Variants in PABPN1L observed in about 807,000 individuals in gnomAD.
The protein encoded by PABPN1L is embryonic polyadenylate-binding protein 2.
A neutral mutation model predicts 34.0 loss-of-function variants in PABPN1L; 45 were observed. The ratio of observed to expected loss-of-function variants is 1.32; its 90% CI spans 1.04 to 1.70. PABPN1L has a LOEUF of 1.70. Among genes scored for constraint, PABPN1L ranks in the 40% most tolerant of loss-of-function variants. PABPN1L has a pLI of 0.00. For synonymous variants in PABPN1L, 182 were observed against 152.1 expected, an observed-to-expected ratio of 1.20 and a Z score of -1.45; for missense variants, 459 against 367.8, an observed-to-expected ratio of 1.25 and a Z score of -2.03.
intron 6 of PABPN1L, 140 bp downstream of exon 6, chr16:88,864,097 A>G: frequency 9.1e-7 from 1 of 1,099,536 alleles, no homozygotes; most frequent in Admixed American, 3.1e-5. Context: ...CAGCTGATGC[A>G]GCAGCCACAG....
At chr16:88,863,860 C>T (rs1968509902) in intron 6 of PABPN1L, 65 bp from the exon 7 acceptor site, 1 of 1,464,194 alleles carries the variant, frequency 6.8e-7, no homozygotes, top group Non-Finnish European at 9.2e-7. Flanking sequence ...GCCCAGGGCC[C>T]CGGGGGACAA....
intron 5 of PABPN1L, 47 bp from the exon 6 acceptor site, chr16:88,864,426 C>T (rs1294406743): frequency 1.3e-6 from 2 of 1,522,846 alleles, no homozygotes; most frequent in South Asian, 2.5e-5. Flanking sequence ...GCAGCCGAGA[C>T]CCAGCTCACA....
chr16:88,865,532 T>C (rs746722977), intron 3 of PABPN1L, 31 bp downstream of exon 3: 4 of 1,600,844 alleles, frequency 2.5e-6, no homozygotes, highest in Admixed American at 1.7e-5. Context: ...CCCCATTCGC[T>C]GCCTGCCCCT....
chr16:88,866,855 G>A (rs1028602212), upstream of PABPN1L, among the ~76,000 whole-genome samples: 11 of 152,244 alleles, frequency 7.2e-5, no homozygotes, highest in African/African-American at 2.7e-4. Flanking sequence ...GTTGAGTGGG[G>A]GTCACCGGTC....
chr16:88,867,778 G>A (rs201347404), upstream of PABPN1L, among the ~76,000 whole-genome samples: 18 of 152,320 alleles, frequency 1.2e-4, no homozygotes, highest in South Asian at 1.4e-3. Context: ...CTGCCACCGC[G>A]GCTGCTGGAG....
exon 1 of PABPN1L, chr16:88,866,608 G>A (rs1044199955): frequency 2.0e-6 from 3 of 1,537,602 alleles, no homozygotes; most frequent in African/African-American, 2.7e-5. Flanking sequence ...GGGCCACATG[G>A]TAGAGGGGCA....
chr16:88,863,602 A>G (rs1359479112), exon 7 of PABPN1L: 21 of 978,636 alleles, frequency 2.1e-5, no homozygotes, highest in Non-Finnish European at 3.1e-5. Context: ...CTACTGGGCC[A>G]TCCCCCCGCC....
At chr16:88,863,415 G>A (rs1385097681) in exon 7 of PABPN1L, 2 of 458,632 alleles carry the variant, frequency 4.4e-6, no homozygotes, top group African/African-American at 2.0e-5. Flanking sequence ...AAATGACTTA[G>A]TTGAAGAGCT....
chr16:88,869,199 T>G (rs1446477580), upstream of PABPN1L, among the ~76,000 whole-genome samples: 2 of 152,218 alleles, frequency 1.3e-5, no homozygotes, highest in African/African-American at 4.8e-5. Context: ...GGAGGCTGAC[T>G]GAAGACCATG....
At chr16:88,864,965 G>GGGGAC (rs1210123126) in intron 4 of PABPN1L, 25 bp from the exon 5 acceptor site, 1 of 1,605,236 alleles carries the variant, frequency 6.2e-7, no homozygotes, top group African/African-American at 1.3e-5. Flanking sequence ...AGGGAGGGGA[G>GGGGAC]GGGTGAGGCT....
At position 88,865,567 on chromosome 16, in the gene PABPN1L, C is replaced by T. The variant is rs1162486263; in HGVS notation, c.455G>A (p.Gly152Asp). 8.1e-6 allele frequency: 13 copies of T among 1,611,592 alleles called. No homozygotes were observed. Among genetic ancestry groups the T allele is most frequent in the South Asian group, 1.1e-5 (1 of 90,724 alleles). The change falls in exon 3 of 7, where the codon GGC (glycine) becomes GAC (aspartate). Residue 152 changes from glycine (G) to aspartate (D), a missense_variant. Gly to Asp is a moderately conservative substitution (Grantham distance 94). Transcript: ENST00000419291. ...TTCACCCCGCCCACCACTCACGTTG[C>T]CCACGTAGACGGATCTGTGGTCAGC...
At chr16:88,866,654 T>TC, upstream of PABPN1L, 4 of 1,479,646 alleles carry the variant, frequency 2.7e-6, no homozygotes, top group South Asian at 2.7e-5. Flanking sequence ...TCCCCTCCAC[T>TC]CCCCTCGCGT....
chr16:88,864,760 A>G, intron 5 of PABPN1L, 93 bp downstream of exon 5: 1 of 1,346,190 alleles, frequency 7.4e-7, no homozygotes, highest in Non-Finnish European at 1.0e-6. Context: ...CACGCTGTGC[A>G]GAGAGGAGCC....
At chr16:88,864,969 T>G (rs771117959) in intron 4 of PABPN1L, 29 bp from the exon 5 acceptor site, 2 of 1,307,814 alleles carry the variant, frequency 1.5e-6, no homozygotes, top group Admixed American at 4.2e-5. Context: ...AGGGGAGGGG[T>G]GAGGCTGGGC....
chr16:88,869,357 C>T (rs1292057281), upstream of PABPN1L, among the ~76,000 whole-genome samples: 6 of 152,232 alleles, frequency 3.9e-5, no homozygotes, highest in African/African-American at 9.6e-5. Context: ...CTTACGTGTG[C>T]GTGGTCCCTG....
chr16:88,865,999 TG>T (rs2143020463), intron 1 of PABPN1L, 58 bp from the exon 2 acceptor site: 1 of 1,512,138 alleles, frequency 6.6e-7, no homozygotes, highest in East Asian at 2.4e-5. Context: ...TCAAGGAAGG[TG>T]GGTGTGTGGC....
At chr16:88,863,724 C>G in exon 7 of PABPN1L, 2 of 1,535,614 alleles carry the variant, frequency 1.3e-6, no homozygotes, top group Non-Finnish European at 1.7e-6. Context: ...TGATCCAGGC[C>G]CCAGCCCCTC....
chr16:88,867,687 G>T (rs142375610), upstream of PABPN1L, among the ~76,000 whole-genome samples: 1 of 152,166 alleles, frequency 6.6e-6, no homozygotes, highest in African/African-American at 2.4e-5. Context: ...GTGGGCATCC[G>T]GTGGTGTCTG....
chr16:88,864,096 C>T, intron 6 of PABPN1L, 141 bp downstream of exon 6: 1 of 1,187,000 alleles, frequency 8.4e-7, no homozygotes, highest in Non-Finnish European at 1.1e-6. Flanking sequence ...CCAGCTGATG[C>T]AGCAGCCACA....
Sources: allele counts gnomAD v4.1 joint callset (sites outside exome capture counted in the v4.1 genomes callset), GRCh38; gene constraint gnomAD v4.1.1; transcripts MANE v1.5; gene names NCBI Gene and HGNC (gene_info 2026-07-23, HGNC 2026-07-21).